Variants in PRKDC observed in about 807,000 individuals in gnomAD.
PRKDC encodes the protein protein kinase, DNA-activated, catalytic subunit, also known as DNA-dependent protein kinase catalytic subunit.
PRKDC carries 82 observed loss-of-function variants against 486.9 expected under a neutral mutation model. That is an observed-to-expected ratio of 0.17 (90% confidence interval 0.14 to 0.20). The LOEUF (loss-of-function observed/expected upper bound fraction) is 0.20. Among genes scored for constraint, PRKDC ranks in the 10% least tolerant of loss-of-function variants. The probability of loss-of-function intolerance (pLI) is 1.00; values close to 1 mark genes in which losing one functional copy is unlikely to be tolerated. For synonymous variants in PRKDC, 1,895 were observed against 1,837.0 expected, an observed-to-expected ratio of 1.03 and a Z score of -0.81; for missense variants, 4,504 against 5,038.2, an observed-to-expected ratio of 0.89 and a Z score of 3.21.
At chr8:47,868,531 T>A (rs1357329415) in intron 40 of PRKDC, among the ~76,000 whole-genome samples, 1 of 152,046 alleles carries the variant, frequency 6.6e-6, no homozygotes, top group Non-Finnish European at 1.5e-5. Flanking sequence ...GCCACTGCCC[T>A]CCAGTATGGG....
At chr8:47,893,688 A>T (rs2089513673) in intron 30 of PRKDC, among the ~76,000 whole-genome samples, 1 of 152,218 alleles carries the variant, frequency 6.6e-6, no homozygotes, top group Non-Finnish European at 1.5e-5. Context: ...TTTGCAAATG[A>T]GAACAATAAT....
At chr8:47,774,413 G>GTTT in intron 85 of PRKDC, 36 bp from the exon 86 acceptor site, 1 of 1,588,872 alleles carries the variant, frequency 6.3e-7, no homozygotes, top group Non-Finnish European at 8.6e-7. Context: ...CACAAAGCAT[G>GTTT]TGTCATTGTC....
At chr8:47,785,899 G>A (rs1412270286) in intron 76 of PRKDC, among the ~76,000 whole-genome samples, 1 of 151,732 alleles carries the variant, frequency 6.6e-6, no homozygotes, top group Non-Finnish European at 1.5e-5. Context: ...GAGCTCAGGA[G>A]TTCGAGACAA....
chr8:47,815,207 T>C (rs947169810), intron 68 of PRKDC, among the ~76,000 whole-genome samples: 17 of 152,054 alleles, frequency 1.1e-4, no homozygotes, highest in African/African-American at 4.1e-4. Flanking sequence ...TAAAGTGATA[T>C]AAATGAAGGC....
At chr8:47,955,810 C>T in intron 4 of PRKDC, 64 bp downstream of exon 4, 1 of 1,336,846 alleles carries the variant, frequency 7.5e-7, no homozygotes, top group Non-Finnish European at 1.0e-6. Context: ...CAACTCAAAA[C>T]TCTGATTTTC....
intron 68 of PRKDC, among the ~76,000 whole-genome samples, chr8:47,809,448 A>G (rs114224822): frequency 1.1e-3 from 169 of 152,336 alleles, no homozygotes; most frequent in African/African-American, 4.0e-3. Flanking sequence ...ACCAGTGTGA[A>G]TAAAGTGCCT....
At chr8:47,800,473 G>T (rs977082262) in intron 71 of PRKDC, among the ~76,000 whole-genome samples, 1 of 151,586 alleles carries the variant, frequency 6.6e-6, no homozygotes, top group Admixed American at 6.6e-5. Context: ...TGGGGGGAAG[G>T]GGGAGGGATA....
chr8:47,830,048 C>G (rs566822335), intron 61 of PRKDC, among the ~76,000 whole-genome samples: 44 of 152,230 alleles, frequency 2.9e-4, no homozygotes, highest in African/African-American at 1.1e-3. Context: ...CTGCAGTAAC[C>G]AAAAAGCATG....
chr8:47,778,695 T>C, intron 82 of PRKDC, 33 bp downstream of exon 82: 1 of 1,613,442 alleles, frequency 6.2e-7, no homozygotes, highest in Non-Finnish European at 8.5e-7. Context: ...GCTGCTGTGA[T>C]CCCACTAAGG....
intron 20 of PRKDC, 21 bp downstream of exon 20, chr8:47,927,750 T>G: frequency 1.3e-6 from 2 of 1,489,942 alleles, no homozygotes; most frequent in Non-Finnish European, 1.8e-6. Flanking sequence ...AAGAGATGGC[T>G]CTGTTCAAGA....
chr8:47,830,106 A>G (rs925408786), intron 61 of PRKDC, among the ~76,000 whole-genome samples: 1 of 152,186 alleles, frequency 6.6e-6, no homozygotes, highest in Non-Finnish European at 1.5e-5. Context: ...AGAATAGAGC[A>G]CCCAGAAAAT....
intron 35 of PRKDC, among the ~76,000 whole-genome samples, chr8:47,887,187 G>A (rs2089354376): frequency 6.6e-6 from 1 of 152,124 alleles, no homozygotes; most frequent in Non-Finnish European, 1.5e-5. Flanking sequence ...TGGTTCCTCT[G>A]GGATTATCCT....
At chr8:47,830,336 T>C (rs1327826772) in intron 61 of PRKDC, among the ~76,000 whole-genome samples, 2 of 152,174 alleles carry the variant, frequency 1.3e-5, no homozygotes, top group African/African-American at 4.8e-5. Context: ...TTCAGACAAA[T>C]GCAGTGGTAA....
intron 67 of PRKDC, among the ~76,000 whole-genome samples, chr8:47,818,338 G>A (rs2087496617): frequency 6.6e-6 from 1 of 152,026 alleles, no homozygotes; most frequent in Non-Finnish European, 1.5e-5. Context: ...CCAGCACTTT[G>A]GGAGGCCGAG....
chr8:47,817,604 A>G, intron 67 of PRKDC, 43 bp from the exon 68 acceptor site: 1 of 1,217,086 alleles, frequency 8.2e-7, no homozygotes, highest in Non-Finnish European at 1.2e-6. Context: ...CAGCTCAATT[A>G]TAAGATCAAA....
intron 59 of PRKDC, among the ~76,000 whole-genome samples, chr8:47,832,758 T>G (rs1319206498): frequency 6.6e-6 from 1 of 152,092 alleles, no homozygotes; most frequent in Non-Finnish European, 1.5e-5. Flanking sequence ...GTGATGATGC[T>G]CCAGAACTGG....
intron 40 of PRKDC, among the ~76,000 whole-genome samples, chr8:47,868,631 A>C (rs2088871842): frequency 6.6e-6 from 1 of 152,146 alleles, no homozygotes; most frequent in Non-Finnish European, 1.5e-5. Context: ...GGCTAAATAG[A>C]AGCCTCCAGT....
intron 42 of PRKDC, among the ~76,000 whole-genome samples, chr8:47,862,765 G>C (rs1020007163): frequency 6.6e-6 from 1 of 152,188 alleles, no homozygotes; most frequent in Non-Finnish European, 1.5e-5. Context: ...GGTCAGTGAC[G>C]CAACGGCATC....
Position 47,782,102 on chromosome 8 carries a change from G to GC in PRKDC, c.11489+59dup. The GC allele has an allele frequency of 6.7e-7, 1 of 1,488,420 alleles. No individual in the cohort carries two copies. The highest frequency in any genetic ancestry group is 9.4e-7 in the Non-Finnish European group (1 of 1,068,236). The allele number at this position is 1,488,420 out of a possible 1,614,324, so 92.2% of individuals were successfully genotyped here. On this transcript the variant is annotated intron_variant, in intron 80 of 85. Transcript: ENST00000314191. The surrounding 1 kb of genome is among the most constrained non-coding windows in gnomAD (Gnocchi z 4.9). ...AGCGCGCCTGTCACGGCCCCGACCT[G>GC]CCACTGGAGAAGTGAGGGGAGGCGA...
Sources: gnomAD v4.1 joint callset for allele counts (sites outside exome capture counted in the v4.1 genomes callset) on GRCh38, gnomAD v4.1.1 for gene constraint, Gnocchi (gnomAD v3.1) non-coding constraint, MANE v1.5 for transcripts, NCBI Gene and HGNC (gene_info 2026-07-23, HGNC 2026-07-21) for gene names.